PDE3B: variants seen among roughly 807,000 people sequenced by gnomAD.
The protein encoded by PDE3B is cGMP-inhibited 3',5'-cyclic phosphodiesterase 3B.
Under a neutral mutation model 116.8 loss-of-function variants are expected in PDE3B, and 66 were observed. That is an observed-to-expected ratio of 0.56 (90% CI 0.46 to 0.69). The LOEUF (loss-of-function observed/expected upper bound fraction) is 0.69, where lower values mean the gene tolerates loss of function less well. PDE3B is among the 30% of genes least tolerant of loss of function. The pLI, the probability that PDE3B is intolerant of heterozygous loss-of-function variation, is 0.00. For synonymous variants in PDE3B, 595 were observed against 533.6 expected, an observed-to-expected ratio of 1.12 and a Z score of -1.59; for missense variants, 1,384 against 1,368.1, an observed-to-expected ratio of 1.01 and a Z score of -0.18.
At chr11:14,819,053 A>T in intron 6 of PDE3B, 83 bp from the exon 7 acceptor site, 1 of 835,342 alleles carries the variant, frequency 1.2e-6, no homozygotes, top group Non-Finnish European at 2.0e-6. Flanking sequence ...CTTGGTTAAA[A>T]ATTAAACAGA....
chr11:14,889,186 G>A, the PDE3B span, among the ~76,000 whole-genome samples: 2 of 146,242 alleles, frequency 1.4e-5, no homozygotes. Flanking sequence ...TTTTCTGTGA[G>A]CATACATCTC....
chr11:14,833,001 A>C (rs1463394701), intron 10 of PDE3B, among the ~76,000 whole-genome samples, 168 bp downstream of exon 10: 1 of 150,422 alleles, frequency 6.6e-6, no homozygotes, highest in Non-Finnish European at 1.5e-5. Context: ...TCCAGGCTGG[A>C]GTGCAATGGC....
intron 5 of PDE3B, among the ~76,000 whole-genome samples, chr11:14,807,105 C>A (rs2133938149): frequency 6.6e-6 from 1 of 152,040 alleles, no homozygotes; most frequent in South Asian, 2.1e-4. Context: ...TGGGACCAAT[C>A]TGAGGCTGGG....
intron 1 of PDE3B, among the ~76,000 whole-genome samples, chr11:14,737,842 C>T (rs541607774): frequency 7.0e-6 from 1 of 143,134 alleles, no homozygotes; most frequent in East Asian, 2.1e-4. Flanking sequence ...TTGTTCAATT[C>T]CCATCTATGA....
intron 2 of PDE3B, among the ~76,000 whole-genome samples, chr11:14,784,322 A>C (rs944539514): frequency 1.3e-5 from 2 of 152,236 alleles, no homozygotes; most frequent in Non-Finnish European, 2.9e-5. Flanking sequence ...GAGTTTCATG[A>C]ATCATATTTG....
At chr11:14,845,062 CG>C (rs1565161757) in intron 12 of PDE3B, among the ~76,000 whole-genome samples, 1 of 152,124 alleles carries the variant, frequency 6.6e-6, no homozygotes, top group African/African-American at 2.4e-5. Flanking sequence ...CCCTGACCCC[CG>C]AGCAGCCTAA....
intron 1 of PDE3B, among the ~76,000 whole-genome samples, chr11:14,749,277 A>C (rs1436073025): frequency 1.3e-5 from 2 of 152,138 alleles, no homozygotes; most frequent in African/African-American, 2.4e-5. Flanking sequence ...GTAGAAAGAG[A>C]AGTGAAGATC....
chr11:14,715,385 C>T (rs1366076901), intron 1 of PDE3B, among the ~76,000 whole-genome samples: 9 of 152,090 alleles, frequency 5.9e-5, no homozygotes, highest in Admixed American at 3.9e-4. Context: ...ATTCTTCCTA[C>T]CCATGAGCAT....
chr11:14,848,037 AAAG>A (rs1353407925), intron 12 of PDE3B, among the ~76,000 whole-genome samples: 6 of 151,680 alleles, frequency 4.0e-5, no homozygotes, highest in African/African-American at 1.2e-4. Context: ...CACAACCAAA[AAAG>A]AGAATTTTAG....
intron 11 of PDE3B, among the ~76,000 whole-genome samples, chr11:14,838,066 C>T (rs996269227): frequency 6.6e-6 from 1 of 151,948 alleles, no homozygotes; most frequent in African/African-American, 2.4e-5. Context: ...GCAAGCGCCG[C>T]CTCCTGGGTT....
In PDE3B at chr11:14,725,234, C is replaced by T. The variant is rs1158135426; in HGVS notation, c.979-46703C>T. On this transcript the variant is annotated intron_variant, in intron 1 of 15. Transcript: ENST00000282096. ...ACCCAAATTGGCAGGCTCAAACTTCCAGCAGCTTTTTTCTTTCTTTCGTTC... is the reference window on the plus strand; with the variant it reads ...ACCCAAATTGGCAGGCTCAAACTTCTAGCAGCTTTTTTCTTTCTTTCGTTC... Among the ~76,000 whole-genome samples, 4 of 152,100 alleles carry T rather than the reference C, an allele frequency of 2.6e-5. No homozygotes were observed. The East Asian group carries it at 7.7e-4, about 29-fold the overall frequency.
In PDE3B at chr11:14,768,355, T is replaced by A. The variant is rs1205239743; in HGVS notation, c.979-3582T>A. On this transcript the variant is annotated intron_variant, in intron 1 of 15. Coordinates refer to ENST00000282096, the MANE Select transcript of PDE3B (RefSeq NM_000922.4). ...ATGTCACTCCTGGATCTGGTTCACT[T>A]CTTTTTCTTTTAGAGATAATCACCA... is the stretch of plus-strand genomic sequence containing the variant. 2.0e-5 allele frequency among the ~76,000 whole-genome samples: 3 copies of A among 151,584 alleles called. No homozygotes were observed. In the East Asian group the frequency reaches 5.8e-4, roughly 29 times the overall value.
chr11:14,868,310 C>G (rs1555008438), intron 15 of PDE3B, among the ~76,000 whole-genome samples: 1 of 152,196 alleles, frequency 6.6e-6, no homozygotes, highest in Non-Finnish European at 1.5e-5. Context: ...ATGGCAAGTC[C>G]TCCTTCATGT....
At chr11:14,746,096 C>T (rs990563608) in intron 1 of PDE3B, among the ~76,000 whole-genome samples, 5 of 152,198 alleles carry the variant, frequency 3.3e-5, no homozygotes, top group Non-Finnish European at 7.3e-5. Context: ...AAATGTCTAA[C>T]GAGAGCCTGT....
intron 2 of PDE3B, among the ~76,000 whole-genome samples, chr11:14,779,873 C>T (rs1388619168): frequency 1.3e-5 from 2 of 151,664 alleles, no homozygotes; most frequent in African/African-American, 4.9e-5. Context: ...CACAGACTGG[C>T]AAATTGGATA....
chr11:14,836,549 CA>C (rs1420771020), intron 11 of PDE3B, among the ~76,000 whole-genome samples: 1 of 152,124 alleles, frequency 6.6e-6, no homozygotes, highest in African/African-American at 2.4e-5. Flanking sequence ...AGGTGTTTGT[CA>C]CATCAGTACC....
At chr11:14,876,712 G>A (rs1222717518), downstream of PDE3B, among the ~76,000 whole-genome samples, 6 of 152,132 alleles carry the variant, frequency 3.9e-5, no homozygotes. Flanking sequence ...TCTGTATGGA[G>A]GTGAGCAAAG....
At chr11:14,793,772 G>A (rs748010755) in intron 4 of PDE3B, among the ~76,000 whole-genome samples, 7 of 152,034 alleles carry the variant, frequency 4.6e-5, no homozygotes, top group Non-Finnish European at 8.8e-5. Flanking sequence ...TATCTTCACC[G>A]CTACTGTGTA....
intron 1 of PDE3B, among the ~76,000 whole-genome samples, chr11:14,759,445 T>C (rs1237628981): frequency 6.6e-6 from 1 of 152,144 alleles, no homozygotes; most frequent in Non-Finnish European, 1.5e-5. Context: ...CACTGACATC[T>C]GGAACAAAGT....
Sources: allele counts gnomAD v4.1 joint callset (sites outside exome capture counted in the v4.1 genomes callset), GRCh38; gene constraint gnomAD v4.1.1; transcripts MANE v1.5; gene names NCBI Gene and HGNC (gene_info 2026-07-23, HGNC 2026-07-21).